Variants in ANK3 observed in about 807,000 individuals in gnomAD.
The protein encoded by ANK3 is ankyrin 3, also known as ankyrin-3.
ANK3 carries 57 observed loss-of-function variants against 370.9 expected under a neutral mutation model. The ratio of observed to expected loss-of-function variants is 0.15; its 90% CI spans 0.12 to 0.19. The LOEUF is 0.19. Among genes scored for constraint, ANK3 ranks in the 10% least tolerant of loss-of-function variants. The probability of loss-of-function intolerance (pLI) is 1.00; values close to 1 mark genes in which losing one functional copy is unlikely to be tolerated. For synonymous variants in ANK3, 1,929 were observed against 1,946.3 expected (o/e 0.99, Z 0.23); for missense variants, 4,439 against 5,302.1 (o/e 0.84, Z 5.06).
chr10:60,202,418 C>T (rs115497173), intron 12 of ANK3, among the ~76,000 whole-genome samples: 286 of 152,284 alleles, frequency 1.9e-3, no homozygotes, highest in African/African-American at 6.2e-3. Context: ...CCACCGTGCC[C>T]GGCCACACTT....
At chr10:60,529,627 C>T (rs906441105) in intron 2 of ANK3, among the ~76,000 whole-genome samples, 9 of 152,008 alleles carry the variant, frequency 5.9e-5, no homozygotes, top group East Asian at 1.9e-4. Context: ...ATGCTCTGAA[C>T]GAAGATTTAT....
At chr10:60,401,771 C>T (rs2063356162) in intron 2 of ANK3, among the ~76,000 whole-genome samples, 1 of 151,986 alleles carries the variant, frequency 6.6e-6, no homozygotes, top group African/African-American at 2.4e-5. Flanking sequence ...ATTTAGATTG[C>T]CTCCAATTTT....
rs754893121 is a variant in ANK3 at position 60,213,474 on chromosome 10, C to T, written c.934G>A (p.Gly312Ser). The change falls in exon 9 of 44, where the codon GGC (glycine) becomes AGC (serine). Residue 312 changes from glycine (G) to serine (S), a missense_variant. Gly to Ser is a moderately conservative substitution (Grantham distance 56). Around this residue, in one of 13 missense-constraint regions of ANK3, gnomAD observed 227 missense variants for 377.6 expected, o/e 0.60. Transcript: ENST00000280772. ...LTPLHCGARS[G>S]HEQVVEMLLD... is the part of the protein sequence containing the mutation. Reference sequence around the variant, plus strand: ...AACATTTCTACCACCTGCTCGTGGCCACTCCTTGCTCCACAGTGCAGTGGT... The same window carrying T: ...AACATTTCTACCACCTGCTCGTGGCTACTCCTTGCTCCACAGTGCAGTGGT... 1 of 1,612,662 alleles carries T rather than the reference C, an allele frequency of 6.2e-7. No individual in the cohort carries two copies. The highest frequency in any genetic ancestry group is 1.1e-5 in the South Asian group (1 of 90,834).
At chr10:60,718,319 C>T (rs2079817608) in intron 1 of ANK3, among the ~76,000 whole-genome samples, 1 of 152,038 alleles carries the variant, frequency 6.6e-6, no homozygotes, top group Admixed American at 6.6e-5. Context: ...ACAACCTTTG[C>T]TTTTGTAATT....
At chr10:60,556,288 C>T (rs1048586788) in intron 2 of ANK3, among the ~76,000 whole-genome samples, 15 of 152,186 alleles carry the variant, frequency 9.9e-5, no homozygotes, top group African/African-American at 3.1e-4. Context: ...CATCTATTTT[C>T]CGGCCTGCTG....
intron 25 of ANK3, 109 bp downstream of exon 25, chr10:60,134,162 G>A: frequency 1.1e-6 from 1 of 887,262 alleles, no homozygotes; most frequent in Non-Finnish European, 1.7e-6. Flanking sequence ...ATTTACAAAT[G>A]TAAAATCAAA....
At chr10:60,040,521 TTTCACA>T (rs1264050031) in intron 43 of ANK3, among the ~76,000 whole-genome samples, 2 of 152,186 alleles carry the variant, frequency 1.3e-5, no homozygotes, top group African/African-American at 4.8e-5. Flanking sequence ...CTGAAGTTAT[TTTCACA>T]TTCATATGAA....
intron 1 of ANK3, among the ~76,000 whole-genome samples, chr10:60,359,120 T>G (rs2058228633): frequency 6.6e-6 from 1 of 152,134 alleles, no homozygotes; most frequent in African/African-American, 2.4e-5. Context: ...ACTGTAACCC[T>G]GGTGTGTAAA....
chr10:60,049,378 A>G (rs2077489898), intron 42 of ANK3, among the ~76,000 whole-genome samples: 1 of 152,174 alleles, frequency 6.6e-6, no homozygotes, highest in African/African-American at 2.4e-5. Flanking sequence ...CACAAGGTCA[A>G]GAGATCGAGA....
chr10:60,670,206 A>G (rs932049216), intron 1 of ANK3, among the ~76,000 whole-genome samples: 1 of 151,996 alleles, frequency 6.6e-6, no homozygotes, highest in Non-Finnish European at 1.5e-5. Context: ...TGTACATCCA[A>G]TTGTTTACTC....
intron 28 of ANK3, among the ~76,000 whole-genome samples, chr10:60,090,612 T>C (rs1427678882): frequency 6.6e-6 from 1 of 152,170 alleles, no homozygotes; most frequent in African/African-American, 2.4e-5. Flanking sequence ...CAAAATATTA[T>C]AAACAGGCAA....
intron 2 of ANK3, among the ~76,000 whole-genome samples, chr10:60,434,184 GA>G (rs1466494297): frequency 2.0e-5 from 3 of 152,130 alleles, no homozygotes; most frequent in African/African-American, 7.2e-5. Flanking sequence ...CTTGATTAAA[GA>G]AAATGGTTTT....
At chr10:60,429,039 C>G (rs1051886286) in intron 2 of ANK3, among the ~76,000 whole-genome samples, 7 of 152,076 alleles carry the variant, frequency 4.6e-5, no homozygotes, top group Non-Finnish European at 8.8e-5. Context: ...GTGTTAAAAT[C>G]TAGCTTTAAT....
chr10:60,388,546 G>C (rs1451403106), intron 1 of ANK3, among the ~76,000 whole-genome samples: 1 of 152,144 alleles, frequency 6.6e-6, no homozygotes, highest in Non-Finnish European at 1.5e-5. Context: ...TTATCATGGA[G>C]GAAAAGTGCT....
In ANK3 at chr10:60,288,629, G is replaced by C. The variant is rs187530564; in HGVS notation, c.115-8990C>G. On this transcript the variant is annotated intron_variant, in intron 1 of 43. Transcript: ENST00000280772. ...TGTGAATAGACAGTCTCTATGCAAA[G>C]GGGATTCCCCTGGGACGGGGGAGTA... 3.3e-5 allele frequency among the ~76,000 whole-genome samples: 5 copies of C among 152,272 alleles called. No individual in the cohort carries two copies. The East Asian group carries it at 9.7e-4, about 29-fold the overall frequency.
At chr10:60,395,602 T>TTCTC (rs1262867603) in intron 2 of ANK3, among the ~76,000 whole-genome samples, 40 of 116,992 alleles carry the variant, frequency 3.4e-4, no homozygotes, top group South Asian at 2.5e-3. Flanking sequence ...CTTTCTTTCT[T>TTCTC]TCTTTCTCTC....
At chr10:60,066,404 G>A (rs76050758) in intron 38 of ANK3, among the ~76,000 whole-genome samples, 2,632 of 152,248 alleles carry the variant, frequency 0.017, 65 homozygotes, top group African/African-American at 0.061. Context: ...AATGTCCAAT[G>A]TTAAAATATA....
chr10:60,262,201 A>G (rs2097817698), intron 6 of ANK3, among the ~76,000 whole-genome samples: 2 of 152,246 alleles, frequency 1.3e-5, no homozygotes, highest in South Asian at 4.1e-4. Context: ...TAGTAATCCA[A>G]TAACAGAACT....
In ANK3 at chr10:60,208,024, T is replaced by C. The variant is rs764778838; in HGVS notation, c.1194+12A>G. ...GACAACTGAGGCTGGACTCGCTGGT[T>C]GAGCCACTCACCAGGGCTTTGGCAT... is the stretch of plus-strand genomic sequence containing the variant. On this transcript the variant is annotated intron_variant, in intron 10 of 43. Coordinates refer to ENST00000280772, the MANE Select transcript of ANK3 (RefSeq NM_020987.5). The C allele has an allele frequency of 1.9e-6, 3 of 1,612,020 alleles. No homozygotes were observed. The East Asian group carries it at 6.7e-5, about 36-fold the overall frequency.
Sources: allele counts gnomAD v4.1 joint callset (sites outside exome capture counted in the v4.1 genomes callset), GRCh38; gene constraint gnomAD v4.1.1; regional missense constraint gnomAD v4.1.1; transcripts MANE v1.5; gene names NCBI Gene and HGNC (gene_info 2026-07-23, HGNC 2026-07-21).